IGSF11: variants seen among roughly 807,000 people sequenced by gnomAD.
IGSF11 encodes CXADR like 1.
A neutral mutation model predicts 41.0 loss-of-function variants in IGSF11; 22 were observed. The ratio of observed to expected loss-of-function variants is 0.54; its 90% CI spans 0.38 to 0.77. The LOEUF (loss-of-function observed/expected upper bound fraction) is 0.77. Among genes scored for constraint, IGSF11 ranks in the 30% least tolerant of loss-of-function variants. The pLI is 0.00. For missense variants in IGSF11, 444 were observed against 530.8 expected (o/e 0.84, Z 1.61); for synonymous variants, 219 against 201.3 (o/e 1.09, Z -0.74).
intron 4 of IGSF11, among the ~76,000 whole-genome samples, chr3:118,911,541 A>C (rs1940298254): frequency 1.3e-5 from 2 of 152,174 alleles, no homozygotes; most frequent in South Asian, 4.1e-4. Flanking sequence ...CTAAGGCAGG[A>C]AGATAACTTG....
At chr3:118,938,845 G>A (rs956323681) in intron 1 of IGSF11, among the ~76,000 whole-genome samples, 1 of 152,120 alleles carries the variant, frequency 6.6e-6, no homozygotes, top group Non-Finnish European at 1.5e-5. Context: ...CATAGAGAGG[G>A]ATATTACATA....
At chr3:119,073,152 A>C (rs568438036) in intron 1 of IGSF11, among the ~76,000 whole-genome samples, 21 of 152,166 alleles carry the variant, frequency 1.4e-4, no homozygotes, top group Non-Finnish European at 1.9e-4. Context: ...GTGTATTTAC[A>C]ATCCTTTAGC....
intron 1 of IGSF11, among the ~76,000 whole-genome samples, chr3:119,057,538 C>A (rs1321875780): frequency 6.6e-6 from 1 of 152,118 alleles, no homozygotes; most frequent in Non-Finnish European, 1.5e-5. Flanking sequence ...ATGAAAATGG[C>A]CATACTGCCC....
intron 4 of IGSF11, among the ~76,000 whole-genome samples, chr3:118,911,275 C>T (rs1042341034): frequency 6.6e-6 from 1 of 151,992 alleles, no homozygotes; most frequent in South Asian, 2.1e-4. Context: ...GGAGAAAAAA[C>T]TCAACTTCAG....
At chr3:118,994,646 AGAGAAGAGATGAGAC>A (rs1936097468) in intron 1 of IGSF11, among the ~76,000 whole-genome samples, 2 of 152,190 alleles carry the variant, frequency 1.3e-5, no homozygotes, top group Admixed American at 1.3e-4. Context: ...CCTTGTCAAG[AGAGAAGAGATGAGAC>A]GAGAAGAGGA....
intron 1 of IGSF11, among the ~76,000 whole-genome samples, chr3:119,120,897 G>T (rs544962228): frequency 6.6e-6 from 1 of 152,150 alleles, no homozygotes; most frequent in South Asian, 2.1e-4. Flanking sequence ...AATGGTTTGG[G>T]GTTGCTTTTT....
chr3:119,124,689 G>A (rs2077379929), intron 1 of IGSF11, among the ~76,000 whole-genome samples: 1 of 151,996 alleles, frequency 6.6e-6, no homozygotes, highest in Admixed American at 6.6e-5. Flanking sequence ...TTTCAAAAGG[G>A]TAAATCTAAG....
chr3:119,001,202 AAT>A (rs762081692), intron 1 of IGSF11, among the ~76,000 whole-genome samples: 17 of 150,132 alleles, frequency 1.1e-4, no homozygotes, highest in Non-Finnish European at 1.9e-4. Flanking sequence ...GTTAAATTAT[AAT>A]AATCCCTTTC....
At chr3:119,073,931 G>T (rs1402568832) in intron 1 of IGSF11, among the ~76,000 whole-genome samples, 1 of 152,218 alleles carries the variant, frequency 6.6e-6, no homozygotes, top group Non-Finnish European at 1.5e-5. Context: ...GTGAGCGAGG[G>T]ACGCGAGGGC....
intron 1 of IGSF11, among the ~76,000 whole-genome samples, chr3:118,932,012 C>T (rs1451870291): frequency 6.6e-6 from 1 of 152,104 alleles, no homozygotes; most frequent in African/African-American, 2.4e-5. Context: ...GGATTACAGG[C>T]GTGAGCCACC....
chr3:119,039,821 C>T (rs138137662), upstream of IGSF11, among the ~76,000 whole-genome samples: 768 of 152,262 alleles, frequency 5.0e-3, 3 homozygotes, highest in African/African-American at 0.018. Context: ...TCACCTAAGT[C>T]GTAACTGACC....
chr3:119,123,574 A>G (rs1477451961), intron 1 of IGSF11, among the ~76,000 whole-genome samples: 1 of 152,226 alleles, frequency 6.6e-6, no homozygotes, highest in Non-Finnish European at 1.5e-5. Flanking sequence ...ATTGGCTTCA[A>G]GTATGATGCA....
intron 1 of IGSF11, chr3:118,947,379 TA>T: frequency 6.6e-6 from 1 of 152,326 alleles, no homozygotes. Context: ...GCAGTAATTA[TA>T]AAGTTTCATG....
intron 1 of IGSF11, among the ~76,000 whole-genome samples, chr3:119,098,811 T>C (rs1324759041): frequency 6.6e-6 from 1 of 152,232 alleles, no homozygotes; most frequent in African/African-American, 2.4e-5. Flanking sequence ...TCTTTGCTGC[T>C]CTCTAGTGGG....
chr3:119,125,719 A>C (rs948921734), intron 1 of IGSF11, among the ~76,000 whole-genome samples: 1 of 152,182 alleles, frequency 6.6e-6, no homozygotes, highest in Non-Finnish European at 1.5e-5. Context: ...CCGGCAACCA[A>C]GGTATCCAGG....
chr3:119,034,897 G>A (rs1317665986), upstream of IGSF11: 13 of 1,072,112 alleles, frequency 1.2e-5, no homozygotes, highest in African/African-American at 3.3e-5. Flanking sequence ...CTCACGCCCC[G>A]CTACTCCAGC....
At chr3:119,074,978 C>G (rs2076468524) in intron 1 of IGSF11, among the ~76,000 whole-genome samples, 1 of 151,838 alleles carries the variant, frequency 6.6e-6, no homozygotes, top group South Asian at 2.1e-4. Flanking sequence ...AAGAAATAAC[C>G]AAAATCAAAG....
intron 1 of IGSF11, among the ~76,000 whole-genome samples, chr3:119,121,788 AAG>A (rs1315526834): frequency 2.0e-5 from 3 of 152,204 alleles, no homozygotes; most frequent in Non-Finnish European, 2.9e-5. Flanking sequence ...GTCAAACACT[AAG>A]AGAGAATCCT....
chr3:119,116,849 CT>C (rs2107526112), intron 1 of IGSF11, among the ~76,000 whole-genome samples: 1 of 152,256 alleles, frequency 6.6e-6, no homozygotes, highest in African/African-American at 2.4e-5. Context: ...CCTGATGGCT[CT>C]ACCTGAACCG....
Sources: gnomAD v4.1 joint callset for allele counts (sites outside exome capture counted in the v4.1 genomes callset) on GRCh38, gnomAD v4.1.1 for gene constraint, MANE v1.5 for transcripts, NCBI Gene and HGNC (gene_info 2026-07-23, HGNC 2026-07-21) for gene names.